SLC24A2: variants seen among roughly 807,000 people sequenced by gnomAD.
SLC24A2 encodes the protein solute carrier family 24 member 2.
A neutral mutation model predicts 62.0 loss-of-function variants in SLC24A2; 36 were observed. The ratio of observed to expected loss-of-function variants is 0.58; its 90% CI spans 0.44 to 0.77. SLC24A2 has a LOEUF of 0.77. SLC24A2 is among the 30% of genes least tolerant of loss of function. The probability of loss-of-function intolerance (pLI) is 0.00; values close to 1 mark genes in which losing one functional copy is unlikely to be tolerated. For missense variants in SLC24A2, 846 were observed against 817.9 expected, an observed-to-expected ratio of 1.03 and a Z score of -0.42; for synonymous variants, 358 against 294.0, an observed-to-expected ratio of 1.22 and a Z score of -2.23.
Position 19,550,275 on chromosome 9 carries a change from T to C in SLC24A2, c.1348-7A>G. ...CCTCCTCCTCATCAGCGGTCTGTGG[T>C]AGAAAAAGAGGTAAAATTAAACAAA... On this transcript the variant is annotated splice_polypyrimidine_tract_variant and splice_region_variant and intron_variant, in intron 7 of 10. Transcript: ENST00000341998. The C allele has an allele frequency of 6.2e-7, 1 of 1,613,660 alleles. No individual in the cohort carries two copies. Among genetic ancestry groups the C allele is most frequent in the African/African-American group, 1.3e-5 (1 of 74,978 alleles).
At chr9:20,238,653 CTG>C in the SLC24A2 span, among the ~76,000 whole-genome samples, 3 of 152,234 alleles carry the variant, frequency 2.0e-5, no homozygotes, top group African/African-American at 7.2e-5. Flanking sequence ...GCTTCTAGCA[CTG>C]TGAGGGGCCT....
chr9:20,125,227 T>A, the SLC24A2 span, among the ~76,000 whole-genome samples: 1 of 152,150 alleles, frequency 6.6e-6, no homozygotes, highest in Non-Finnish European at 1.5e-5. Context: ...AATACATACA[T>A]AAAAGTAATC....
chr9:19,790,701 C>G (rs1456315368), upstream of SLC24A2, among the ~76,000 whole-genome samples: 1 of 152,070 alleles, frequency 6.6e-6, no homozygotes, highest in Non-Finnish European at 1.5e-5. Context: ...AACAATTGTG[C>G]ATTTATTTTG....
intron 4 of SLC24A2, 66 bp from the exon 5 acceptor site, chr9:19,597,345 C>T (rs1336593803): frequency 2.8e-6 from 3 of 1,088,014 alleles, no homozygotes; most frequent in Admixed American, 3.4e-5. Flanking sequence ...TTTGTTTTTA[C>T]ACATTTTTAA....
the SLC24A2 span, among the ~76,000 whole-genome samples, chr9:20,253,122 T>G: frequency 3.3e-5 from 5 of 152,202 alleles, no homozygotes; most frequent in Non-Finnish European, 7.3e-5. Flanking sequence ...GAGGGAAGTC[T>G]TGACTGTTAG....
intron 2 of SLC24A2, among the ~76,000 whole-genome samples, chr9:19,692,271 A>C (rs946751741): frequency 2.0e-5 from 3 of 152,208 alleles, no homozygotes; most frequent in African/African-American, 7.2e-5. Flanking sequence ...TCAAGTCACA[A>C]AACAGTTGCC....
chr9:19,728,705 G>C (rs1821246953), intron 2 of SLC24A2, among the ~76,000 whole-genome samples: 1 of 151,976 alleles, frequency 6.6e-6, no homozygotes, highest in Non-Finnish European at 1.5e-5. Flanking sequence ...TAATTGTTCA[G>C]ACTGGTGTTT....
chr9:19,553,502 G>C (rs2132761405), intron 7 of SLC24A2, among the ~76,000 whole-genome samples: 1 of 152,334 alleles, frequency 6.6e-6, no homozygotes, highest in Non-Finnish European at 1.5e-5. Context: ...ATTGTGTAAA[G>C]CTTTAGGGCC....
intron 4 of SLC24A2, among the ~76,000 whole-genome samples, chr9:19,605,148 G>A (rs777320405): frequency 1.4e-4 from 21 of 152,200 alleles, no homozygotes; most frequent in Admixed American, 3.3e-4. Flanking sequence ...ATCTGGTTAC[G>A]CAGGAGGAGC....
chr9:19,828,547 C>A, the SLC24A2 span, among the ~76,000 whole-genome samples: 1 of 152,102 alleles, frequency 6.6e-6, no homozygotes, highest in Non-Finnish European at 1.5e-5. Context: ...GTTCTCAGTA[C>A]TCTGTGAGTA....
At chr9:20,220,008 G>A in the SLC24A2 span, among the ~76,000 whole-genome samples, 1 of 152,116 alleles carries the variant, frequency 6.6e-6, no homozygotes, top group Non-Finnish European at 1.5e-5. Flanking sequence ...CTTTGAGAAA[G>A]TGTAACATGC....
chr9:19,860,769 C>G, the SLC24A2 span, among the ~76,000 whole-genome samples: 10 of 152,050 alleles, frequency 6.6e-5, no homozygotes, highest in African/African-American at 2.4e-4. Context: ...ACTGAAGAGC[C>G]CTTGGGCCTT....
the SLC24A2 span, among the ~76,000 whole-genome samples, chr9:20,042,889 C>T: frequency 2.0e-5 from 3 of 152,214 alleles, no homozygotes; most frequent in African/African-American, 4.8e-5. Context: ...TGAGGCACCA[C>T]AAGCCATGCC....
the SLC24A2 span, among the ~76,000 whole-genome samples, chr9:20,161,277 G>T: frequency 6.6e-6 from 1 of 151,328 alleles, no homozygotes; most frequent in Non-Finnish European, 1.5e-5. Flanking sequence ...AGGCTCAGGT[G>T]CTTTCATAGA....
At chr9:19,933,070 T>C in the SLC24A2 span, among the ~76,000 whole-genome samples, 7 of 152,304 alleles carry the variant, frequency 4.6e-5, no homozygotes, top group Admixed American at 3.3e-4. Context: ...GAGGATGGAC[T>C]TGGGGAAGAG....
the SLC24A2 span, among the ~76,000 whole-genome samples, chr9:20,096,302 G>C: frequency 7.8e-3 from 1,192 of 152,114 alleles, 18 homozygotes; most frequent in African/African-American, 0.027. Flanking sequence ...TTAACTCAAT[G>C]AGCCACCTTA....
chr9:19,586,038 C>G (rs1278900695), intron 5 of SLC24A2, among the ~76,000 whole-genome samples: 1 of 152,212 alleles, frequency 6.6e-6, no homozygotes, highest in East Asian at 1.9e-4. Context: ...CTTCACAAGG[C>G]TTGGAATTCT....
intron 2 of SLC24A2, among the ~76,000 whole-genome samples, chr9:19,660,037 C>T (rs757253254): frequency 2.0e-5 from 3 of 152,160 alleles, no homozygotes; most frequent in Non-Finnish European, 4.4e-5. Context: ...CTGGAATTCT[C>T]CCAGATGCAA....
the SLC24A2 span, among the ~76,000 whole-genome samples, chr9:20,266,015 T>C: frequency 6.6e-6 from 1 of 152,206 alleles, no homozygotes; most frequent in African/African-American, 2.4e-5. Context: ...AGTTGTCTGC[T>C]CTCAAACCCT....
Sources: allele counts gnomAD v4.1 joint callset (sites outside exome capture counted in the v4.1 genomes callset), GRCh38; gene constraint gnomAD v4.1.1; transcripts MANE v1.5; gene names NCBI Gene and HGNC (gene_info 2026-07-23, HGNC 2026-07-21).